The following CSMD1 variants were observed in gnomAD, a reference collection of about 807,000 sequenced individuals.
The protein encoded by CSMD1 is CUB and sushi domain-containing protein 1.
In CSMD1, 213 loss-of-function variants were observed where a neutral mutation model predicts 417.5. That is an observed-to-expected ratio of 0.51 (90% confidence interval 0.46 to 0.57). The LOEUF (loss-of-function observed/expected upper bound fraction) is 0.57, where lower values mean the gene tolerates loss of function less well. Ranked by LOEUF, CSMD1 falls within the 20% of genes least tolerant of loss-of-function variation. CSMD1 has a pLI of 0.00. For synonymous variants in CSMD1, 2,862 were observed against 1,736.8 expected (o/e 1.65, Z -16.11); for missense variants, 6,923 against 4,529.7 (o/e 1.53, Z -15.17).
chr8:3,858,498 G>C (rs1585099941), intron 5 of CSMD1, among the ~76,000 whole-genome samples: 1 of 152,218 alleles, frequency 6.6e-6, no homozygotes, highest in African/African-American at 2.4e-5. Flanking sequence ...ACCATTTGTA[G>C]AAATGGAAGG....
At chr8:4,429,798 T>C (rs1029824969) in intron 2 of CSMD1, among the ~76,000 whole-genome samples, 3 of 151,880 alleles carry the variant, frequency 2.0e-5, no homozygotes, top group Non-Finnish European at 4.4e-5. Flanking sequence ...ATACCGGCAA[T>C]CCCCTCCCAT....
intron 1 of CSMD1, 137 bp downstream of exon 1, chr8:4,994,195 C>T (rs1811633215): frequency 1.4e-6 from 1 of 722,230 alleles, no homozygotes; most frequent in Non-Finnish European, 2.3e-6. Context: ...TCGCGTTCCC[C>T]GAGCTTCGGC....
intron 5 of CSMD1, among the ~76,000 whole-genome samples, chr8:3,890,621 C>T (rs549468493): frequency 3.2e-4 from 49 of 152,136 alleles, no homozygotes; most frequent in Non-Finnish European, 5.6e-4. Context: ...CATATTTTTC[C>T]GATTTCAGAG....
intron 3 of CSMD1, among the ~76,000 whole-genome samples, chr8:4,243,378 G>C (rs969922380): frequency 1.2e-4 from 19 of 152,138 alleles, no homozygotes; most frequent in African/African-American, 4.3e-4. Flanking sequence ...CCAAAAAACA[G>C]CTTGACTTGG....
At chr8:4,796,411 G>A (rs1305550295) in intron 1 of CSMD1, among the ~76,000 whole-genome samples, 2 of 151,844 alleles carry the variant, frequency 1.3e-5, no homozygotes, top group Non-Finnish European at 2.9e-5. Flanking sequence ...TTTACTTTAG[G>A]AAACTTGCAT....
At chr8:4,158,241 A>G (rs903179959) in intron 3 of CSMD1, among the ~76,000 whole-genome samples, 3 of 150,436 alleles carry the variant, frequency 2.0e-5, no homozygotes, top group Non-Finnish European at 3.0e-5. Flanking sequence ...ACGGAGGATC[A>G]TGCCCCCATG....
Position 4,725,000 on chromosome 8 carries a change from G to C in CSMD1, c.86-87442C>G, listed in dbSNP as rs77270329. Reference sequence around the variant, plus strand: ...CCATAACATTTTGGTTGAGGGAAAAGTCGTGAAAGAACACGTTTTAAATAT... The same window carrying C: ...CCATAACATTTTGGTTGAGGGAAAACTCGTGAAAGAACACGTTTTAAATAT... On this transcript the variant is annotated intron_variant, in intron 1 of 69. Coordinates refer to ENST00000635120, the MANE Select transcript of CSMD1 (RefSeq NM_033225.6). Among the ~76,000 whole-genome samples, 1,066 of 152,220 alleles carry C rather than the reference G, an allele frequency of 7.0e-3. 9 individuals carry two copies. Among genetic ancestry groups the C allele is most frequent in the Non-Finnish European group, 0.011 (733 of 67,990 alleles).
intron 1 of CSMD1, among the ~76,000 whole-genome samples, chr8:4,918,858 C>G (rs1210619081): frequency 6.6e-6 from 1 of 151,490 alleles, no homozygotes; most frequent in Non-Finnish European, 1.5e-5. Context: ...ATATAATCAC[C>G]ACACACACAC....
intron 1 of CSMD1, among the ~76,000 whole-genome samples, chr8:4,878,283 A>G (rs1364610963): frequency 6.6e-6 from 1 of 152,108 alleles, no homozygotes; most frequent in Non-Finnish European, 1.5e-5. Flanking sequence ...TTTCTTGACC[A>G]ACTTAACACA....
chr8:4,935,684 AT>A (rs1807566877), intron 1 of CSMD1, among the ~76,000 whole-genome samples: 1 of 152,174 alleles, frequency 6.6e-6, no homozygotes, highest in Admixed American at 6.5e-5. Context: ...AGTTTTACAT[AT>A]TTTTAGTTCT....
chr8:4,406,276 G>A (rs867544410), intron 3 of CSMD1, among the ~76,000 whole-genome samples: 2 of 151,998 alleles, frequency 1.3e-5, no homozygotes, highest in Non-Finnish European at 2.9e-5. Context: ...CTCAGATAGT[G>A]CAATTCAAAC....
chr8:4,743,236 T>A (rs1183009373), intron 1 of CSMD1, among the ~76,000 whole-genome samples: 1 of 152,176 alleles, frequency 6.6e-6, no homozygotes, highest in Non-Finnish European at 1.5e-5. Context: ...TTAGACATAA[T>A]CTATTTTAAA....
chr8:3,803,596 G>C lies in CSMD1; in HGVS notation c.819-49554C>G, dbSNP rs750311383. ...CAGATGGTTCATGAAGGAGAACAAA[G>C]ACCAGTGTGTCTGCAGTGGACTCAG... On this transcript the variant is annotated intron_variant, in intron 5 of 69. Coordinates refer to ENST00000635120, the MANE Select transcript of CSMD1 (RefSeq NM_033225.6). Among the ~76,000 whole-genome samples the C allele has an allele frequency of 7.2e-4, 109 of 152,190 alleles. 1 individual carries two copies. The highest frequency in any genetic ancestry group is 1.2e-3 in the Non-Finnish European group (82 of 68,024).
chr8:3,652,238 C>G (rs1480577382), intron 7 of CSMD1, among the ~76,000 whole-genome samples: 1 of 151,606 alleles, frequency 6.6e-6, no homozygotes, highest in Non-Finnish European at 1.5e-5. Context: ...ACCAGAGCGC[C>G]TACCAACGTC....
At chr8:3,751,377 TTATA>T (rs562057817) in intron 6 of CSMD1, among the ~76,000 whole-genome samples, 18 of 147,666 alleles carry the variant, frequency 1.2e-4, no homozygotes, top group African/African-American at 4.2e-4. Context: ...TATAAATTAT[TTATA>T]TATTTCTTAT....
intron 3 of CSMD1, among the ~76,000 whole-genome samples, chr8:4,285,094 C>T (rs992957319): frequency 7.9e-5 from 12 of 152,242 alleles, no homozygotes; most frequent in Middle Eastern, 3.4e-3. Flanking sequence ...GAAAGTTTTG[C>T]TATTATTATG....
intron 5 of CSMD1, among the ~76,000 whole-genome samples, chr8:3,798,002 T>C (rs1800254882): frequency 6.6e-6 from 1 of 151,990 alleles, no homozygotes; most frequent in Admixed American, 6.6e-5. Flanking sequence ...TCCTTGAAGA[T>C]TATTGATGTT....
chr8:3,727,194 T>G (rs570773043), intron 6 of CSMD1, among the ~76,000 whole-genome samples: 3 of 152,348 alleles, frequency 2.0e-5, no homozygotes, highest in African/African-American at 7.2e-5. Flanking sequence ...GAATGTTTAA[T>G]TTTAAATTGT....
chr8:4,055,628 G>T (rs1798652220), intron 3 of CSMD1, among the ~76,000 whole-genome samples: 1 of 151,806 alleles, frequency 6.6e-6, no homozygotes, highest in Non-Finnish European at 1.5e-5. Context: ...AAATATTAAT[G>T]GAAAATATTA....
Sources: gnomAD v4.1 joint callset for allele counts (sites outside exome capture counted in the v4.1 genomes callset) on GRCh38, gnomAD v4.1.1 for gene constraint, MANE v1.5 for transcripts, NCBI Gene and HGNC (gene_info 2026-07-23, HGNC 2026-07-21) for gene names.